MED12L: variants seen among roughly 807,000 people sequenced by gnomAD.
MED12L encodes the protein mediator of RNA polymerase II transcription subunit 12-like protein.
A neutral mutation model predicts 281.3 loss-of-function variants in MED12L; 60 were observed. The observed-to-expected ratio is 0.21, with a 90% CI of 0.17 to 0.26. The LOEUF is 0.26. Ranked by LOEUF, MED12L falls within the 10% of genes least tolerant of loss-of-function variation. MED12L has a pLI of 1.00. For synonymous variants in MED12L, 974 were observed against 987.2 expected, an observed-to-expected ratio of 0.99 and a Z score of 0.25; for missense variants, 2,146 against 2,680.9, an observed-to-expected ratio of 0.80 and a Z score of 4.41.
In MED12L at chr3:151,185,482, G is replaced by A. The variant is rs750204828; in HGVS notation, c.1626+21G>A. 3 of 1,612,822 alleles carry A rather than the reference G, an allele frequency of 1.9e-6. No homozygotes were observed. The South Asian group carries it at 3.3e-5, about 18-fold the overall frequency. ...CAGAGGTAGGTTCCATTTTCTTTCT[G>A]CTTGTTGAATGCCGTAATGTAAAAA... On this transcript the variant is annotated intron_variant, in intron 12 of 44. Coordinates refer to ENST00000687756, the MANE Select transcript of MED12L (RefSeq NM_001393769.1).
At chr3:151,361,600 T>C (rs1375675527) in intron 21 of MED12L, among the ~76,000 whole-genome samples, 1 of 152,178 alleles carries the variant, frequency 6.6e-6, no homozygotes, top group Non-Finnish European at 1.5e-5. Context: ...TCCAGAAAGT[T>C]GTATTTTTAT....
At chr3:151,089,772 T>A (rs190445496) in intron 2 of MED12L, among the ~76,000 whole-genome samples, 1 of 152,224 alleles carries the variant, frequency 6.6e-6, no homozygotes, top group Admixed American at 6.5e-5. Flanking sequence ...CCTGTAGGAC[T>A]TCATTATATA....
At chr3:151,423,515 C>T (rs1289475224) in intron 43 of MED12L, among the ~76,000 whole-genome samples, 1 of 152,054 alleles carries the variant, frequency 6.6e-6, no homozygotes, top group Non-Finnish European at 1.5e-5. Context: ...GCCTGTGTTG[C>T]CATCTACTTA....
At chr3:151,106,283 TTTTC>T (rs1560050913) in intron 2 of MED12L, among the ~76,000 whole-genome samples, 81 of 64,816 alleles carry the variant, frequency 1.2e-3, no homozygotes, top group Admixed American at 2.3e-3. Flanking sequence ...TTCCCTTTCC[TTTTC>T]CTTTTCCTTT....
chr3:151,132,422 A>G (rs2148822583), intron 5 of MED12L, among the ~76,000 whole-genome samples: 1 of 152,282 alleles, frequency 6.6e-6, no homozygotes, highest in East Asian at 1.9e-4. Context: ...TGAAGGAGGC[A>G]CACCAGTTAT....
chr3:151,403,712 A>G (rs1329318487), intron 39 of MED12L, among the ~76,000 whole-genome samples: 2 of 152,324 alleles, frequency 1.3e-5, no homozygotes, highest in East Asian at 3.9e-4. Context: ...AAAAAAGAGC[A>G]CACATCTCAG....
chr3:151,244,276 A>G (rs1236235021), intron 16 of MED12L, among the ~76,000 whole-genome samples: 1 of 130,458 alleles, frequency 7.7e-6, no homozygotes, highest in Non-Finnish European at 1.7e-5. Flanking sequence ...CCTAATAGAC[A>G]TCTACAGAAC....
chr3:151,313,772 A>G (rs1747861071), intron 16 of MED12L, among the ~76,000 whole-genome samples: 1 of 152,166 alleles, frequency 6.6e-6, no homozygotes, highest in Non-Finnish European at 1.5e-5. Context: ...TGAACCCAGG[A>G]GGCAGAGGTT....
At chr3:151,285,000 G>A (rs11916107) in intron 16 of MED12L, among the ~76,000 whole-genome samples, 15,063 of 152,210 alleles carry the variant, frequency 0.099, 2,212 homozygotes, top group African/African-American at 0.32. Flanking sequence ...AGGTGGTGCT[G>A]TGGTCTGAAT....
chr3:151,293,912 G>A lies in MED12L; in HGVS notation c.2251-56147G>A, dbSNP rs182982299. Reference sequence around the variant, plus strand: ...TTCCTGGAGGATGGCCACAGTGCAGGGACATTGCTGTGGCTCATTCTGCCC... The same window carrying A: ...TTCCTGGAGGATGGCCACAGTGCAGAGACATTGCTGTGGCTCATTCTGCCC... On this transcript the variant is annotated intron_variant, in intron 16 of 44. Transcript: ENST00000687756. 3.3e-5 allele frequency among the ~76,000 whole-genome samples: 5 copies of A among 152,214 alleles called. No individual in the cohort carries two copies. The East Asian group carries it at 5.8e-4, about 18-fold the overall frequency.
At chr3:151,159,557 T>C (rs553693524) in intron 7 of MED12L, among the ~76,000 whole-genome samples, 1 of 152,350 alleles carries the variant, frequency 6.6e-6, no homozygotes, top group East Asian at 1.9e-4. Flanking sequence ...GTAATACTTT[T>C]TATGTTGATT....
At chr3:151,157,923 A>G (rs1309120174) in intron 6 of MED12L, among the ~76,000 whole-genome samples, 2 of 152,210 alleles carry the variant, frequency 1.3e-5, no homozygotes, top group East Asian at 1.9e-4. Flanking sequence ...TGTGAATCAT[A>G]ATACAAAACT....
intron 16 of MED12L, among the ~76,000 whole-genome samples, chr3:151,296,181 A>G (rs1280809554): frequency 6.6e-6 from 1 of 152,134 alleles, no homozygotes; most frequent in Non-Finnish European, 1.5e-5. Flanking sequence ...GGTTACGCCT[A>G]TTGTATTTAT....
At chr3:151,192,115 C>T (rs1247566919) in intron 14 of MED12L, among the ~76,000 whole-genome samples, 1 of 152,164 alleles carries the variant, frequency 6.6e-6, no homozygotes, top group Non-Finnish European at 1.5e-5. Flanking sequence ...GTAGCAATTA[C>T]AAGGCTAAAA....
intron 16 of MED12L, among the ~76,000 whole-genome samples, chr3:151,245,399 C>A (rs1373873992): frequency 6.7e-6 from 1 of 150,130 alleles, no homozygotes; most frequent in Non-Finnish European, 1.5e-5. Context: ...AATCCAGCAG[C>A]ACATCAAAAA....
chr3:151,366,165 A>G lies in MED12L; in HGVS notation c.3327+174A>G, dbSNP rs186265641. Reference sequence around the variant, plus strand: ...AATGACATTGCCAGGGATTAAATACATGAAAAAAAATAGAAATAAATAGAA... The same window carrying G: ...AATGACATTGCCAGGGATTAAATACGTGAAAAAAAATAGAAATAAATAGAA... On this transcript the variant is annotated intron_variant, in intron 23 of 44. Transcript: ENST00000687756. Among the ~76,000 whole-genome samples, 116 of 152,282 alleles carry G rather than the reference A, an allele frequency of 7.6e-4. 1 individual carries two copies. Among genetic ancestry groups the G allele is most frequent in the African/African-American group, 2.5e-3 (103 of 41,542 alleles).
intron 4 of MED12L, among the ~76,000 whole-genome samples, chr3:151,125,347 C>G (rs1361829690): frequency 6.6e-6 from 1 of 152,146 alleles, no homozygotes. Flanking sequence ...TCATGGGGTT[C>G]TGCTAGTACG....
intron 16 of MED12L, among the ~76,000 whole-genome samples, chr3:151,252,503 G>A (rs1046663703): frequency 5.3e-5 from 8 of 151,958 alleles, no homozygotes; most frequent in African/African-American, 1.9e-4. Flanking sequence ...TGCATCTTTG[G>A]CACCTGACAT....
rs1719705946 is a variant in MED12L at position 151,433,019 on chromosome 3, GGTTTACAAAT to G, written c.*218_*227del. On this transcript the variant is annotated 3_prime_UTR_variant, in exon 45 of 45. Coordinates refer to ENST00000687756, the MANE Select transcript of MED12L (RefSeq NM_001393769.1). ...TTTTGTTGAATTCACCTTTAAAGTA[GGTTTACAAAT>G]GTGAATCATGCAGGCAGGCCTACTC... The G allele has an allele frequency of 2.0e-6, 1 of 503,530 alleles. No homozygotes were observed. Among genetic ancestry groups the G allele is most frequent in the Non-Finnish European group, 3.5e-6 (1 of 282,626 alleles). The allele number at this position is 503,530 out of a possible 1,614,324, so 31.2% of individuals were successfully genotyped here.
Sources: gnomAD v4.1 joint callset for allele counts (sites outside exome capture counted in the v4.1 genomes callset) on GRCh38, gnomAD v4.1.1 for gene constraint, MANE v1.5 for transcripts, NCBI Gene and HGNC (gene_info 2026-07-23, HGNC 2026-07-21) for gene names.